The following IL12RB2 variants were observed in gnomAD, a reference collection of about 807,000 sequenced individuals.
IL12RB2 encodes the protein interleukin 12 receptor subunit beta 2, also known as interleukin-12 receptor subunit beta-2.
In IL12RB2, 82 loss-of-function variants were observed where a neutral mutation model predicts 89.4. That is an observed-to-expected ratio of 0.92 (90% CI 0.77 to 1.10). IL12RB2 has a LOEUF of 1.10. Among genes scored for constraint, IL12RB2 ranks in the 50% least tolerant of loss-of-function variants. The probability of loss-of-function intolerance (pLI) is 0.00; values close to 1 mark genes in which losing one functional copy is unlikely to be tolerated. For synonymous variants in IL12RB2, 368 were observed against 370.1 expected, an observed-to-expected ratio of 0.99 and a Z score of 0.07; for missense variants, 963 against 1,031.9, an observed-to-expected ratio of 0.93 and a Z score of 0.92.
rs371586553 is a variant in IL12RB2, at chr1:67,350,985, C to T, written c.1154C>T (p.Thr385Ile). The change falls in exon 10 of 17, where the codon ACA becomes ATA. Residue 385 changes from threonine (T) to isoleucine (I), a missense_variant. Transcript: ENST00000674203. Reference sequence around the variant, plus strand: ...ATCACAGGACACACCTCCTGGACCACAGTCATTCCTAGAACCGGAAATTGG... The same window carrying T: ...ATCACAGGACACACCTCCTGGACCATAGTCATTCCTAGAACCGGAAATTGG... ...QNITGHTSWT[T>I]VIPRTGNWAV... 2 of 1,614,004 alleles carry T rather than the reference C, an allele frequency of 1.2e-6. No homozygotes were observed. Among genetic ancestry groups the T allele is most frequent in the African/African-American group, 1.3e-5 (1 of 74,926 alleles).
chr1:67,379,784 G>A (rs944469602), intron 13 of IL12RB2: 1 of 528,684 alleles, frequency 1.9e-6, no homozygotes, highest in Non-Finnish European at 3.3e-6. Flanking sequence ...TGTTTAATAT[G>A]CTGTGGAGTG....
At position 67,382,845 on chromosome 1, in the gene IL12RB2, A is replaced by C. The variant is rs1432165282; in HGVS notation, c.1855+2722A>C. 5.9e-5 allele frequency among the ~76,000 whole-genome samples: 9 copies of C among 152,156 alleles called. No individual in the cohort carries two copies. The South Asian group carries it at 6.2e-4, about 11-fold the overall frequency. ...CTCAGCCTCACAAGTAGTTGAGACT[A>C]TAGGCTCCTGCCACCATGCCCAGCT... On this transcript the variant is annotated intron_variant, in intron 14 of 16. Coordinates refer to ENST00000674203, the MANE Select transcript of IL12RB2 (RefSeq NM_001374259.2).
chr1:67,361,727 A>G (rs1168010949), intron 10 of IL12RB2, among the ~76,000 whole-genome samples: 1 of 152,172 alleles, frequency 6.6e-6, no homozygotes, highest in Non-Finnish European at 1.5e-5. Context: ...AGAAAGGAAT[A>G]AAAGAAATAT....
intron 11 of IL12RB2, 41 bp from the exon 12 acceptor site, chr1:67,372,395 G>A: frequency 9.4e-7 from 1 of 1,060,900 alleles, no homozygotes; most frequent in Non-Finnish European, 1.5e-6. Flanking sequence ...TGACTCACCA[G>A]TAATGGCACG....
At chr1:67,360,791 G>A (rs372268852) in intron 10 of IL12RB2, among the ~76,000 whole-genome samples, 11 of 143,132 alleles carry the variant, frequency 7.7e-5, no homozygotes, top group Non-Finnish European at 1.2e-4. Flanking sequence ...GGAAAACTCC[G>A]TCTCAAAAAA....
At position 67,347,334 on chromosome 1, in the gene IL12RB2, G is replaced by A. The variant is rs1457186019; in HGVS notation, c.1039-3536G>A. 2.6e-5 allele frequency among the ~76,000 whole-genome samples: 4 copies of A among 151,062 alleles called. No individual in the cohort carries two copies. In the East Asian group the frequency reaches 7.9e-4, roughly 30 times the overall value. Reference sequence around the variant, plus strand: ...TTTTTCTTTATTATTTGCATCAGGGGAAGTTCAGAAGTAGAGCATTACTTT... The same window carrying A: ...TTTTTCTTTATTATTTGCATCAGGGAAAGTTCAGAAGTAGAGCATTACTTT... On this transcript the variant is annotated intron_variant, in intron 9 of 16. Coordinates refer to ENST00000674203, the MANE Select transcript of IL12RB2 (RefSeq NM_001374259.2).
chr1:67,338,694 T>C lies in IL12RB2; in HGVS notation c.1029T>C (p.Leu343=). 6.7e-7 allele frequency: 1 copy of C among 1,501,250 alleles called. No homozygotes were observed. Among genetic ancestry groups the C allele is most frequent in the Non-Finnish European group, 9.3e-7 (1 of 1,076,942 alleles). The allele number at this position is 1,501,250 out of a possible 1,614,324, so 93.0% of individuals were successfully genotyped here. The part of the protein sequence containing the change: ...HIDYSRQQIS[L]FWKNLSVSEA... ...ACTACAGTAGACAACAGATTTCTCT[T>C]TTCTGGAAGGTGAGTTTTAAGCGTC... The change falls in exon 9 of 17, where the codon CTT becomes CTC. Residue 343 remains leucine, a synonymous_variant. Coordinates refer to ENST00000674203, the MANE Select transcript of IL12RB2 (RefSeq NM_001374259.2).
intron 16 of IL12RB2, among the ~76,000 whole-genome samples, chr1:67,391,863 T>C (rs1291415524): frequency 6.6e-6 from 1 of 152,074 alleles, no homozygotes; most frequent in African/African-American, 2.4e-5. Context: ...CAGGATGGTC[T>C]CAATCTCCTG....
chr1:67,324,223 C>A (rs566357349), intron 4 of IL12RB2, among the ~76,000 whole-genome samples: 1 of 151,970 alleles, frequency 6.6e-6, no homozygotes, highest in Non-Finnish European at 1.5e-5. Flanking sequence ...AAGAGACTTT[C>A]GTTTGTTTGT....
intron 15 of IL12RB2, among the ~76,000 whole-genome samples, chr1:67,386,962 C>T (rs1165961656): frequency 6.8e-5 from 9 of 132,166 alleles, no homozygotes; most frequent in African/African-American, 1.9e-4. Flanking sequence ...GAGTTTCACT[C>T]TTGTCGCCCA....
At chr1:67,359,760 G>A (rs889085842) in intron 10 of IL12RB2, among the ~76,000 whole-genome samples, 2 of 151,962 alleles carry the variant, frequency 1.3e-5, no homozygotes, top group Non-Finnish European at 1.5e-5. Context: ...TCAGTTTCCA[G>A]TCTAGCATCT....
chr1:67,385,789 T>C (rs1386094094), intron 14 of IL12RB2, among the ~76,000 whole-genome samples: 1 of 152,230 alleles, frequency 6.6e-6, no homozygotes, highest in Non-Finnish European at 1.5e-5. Flanking sequence ...TTTGCTAAAA[T>C]TAATAGCTAC....
chr1:67,370,290 C>T (rs975404163), intron 11 of IL12RB2, among the ~76,000 whole-genome samples: 13 of 152,228 alleles, frequency 8.5e-5, no homozygotes, highest in Non-Finnish European at 1.8e-4. Flanking sequence ...GGCCAGAATA[C>T]AGCCCGGCTC....
chr1:67,380,247 C>A, intron 14 of IL12RB2, 124 bp downstream of exon 14: 1 of 945,302 alleles, frequency 1.1e-6, no homozygotes, highest in Non-Finnish European at 1.7e-6. Context: ...CTTGCTGTCA[C>A]TTTACACTTG....
At chr1:67,386,168 C>T (rs1665114855) in intron 14 of IL12RB2, among the ~76,000 whole-genome samples, 1 of 119,398 alleles carries the variant, frequency 8.4e-6, no homozygotes. Flanking sequence ...GAGATTGCGC[C>T]ATTGCACTCC....
intron 10 of IL12RB2, among the ~76,000 whole-genome samples, chr1:67,359,590 C>T (rs1163486611): frequency 6.6e-6 from 1 of 152,020 alleles, no homozygotes; most frequent in Non-Finnish European, 1.5e-5. Flanking sequence ...GGAGTCGTGG[C>T]ATATGCCCTT....
chr1:67,386,326 T>C (rs1665140850), intron 14 of IL12RB2, among the ~76,000 whole-genome samples: 1 of 151,932 alleles, frequency 6.6e-6, no homozygotes, highest in Non-Finnish European at 1.5e-5. Flanking sequence ...TACTTTGCAT[T>C]CCGTACCTCC....
At chr1:67,383,886 C>T (rs1467610218) in intron 14 of IL12RB2, among the ~76,000 whole-genome samples, 2 of 152,266 alleles carry the variant, frequency 1.3e-5, no homozygotes, top group Admixed American at 1.3e-4. Context: ...CACATTAGGT[C>T]ATGCTGATGC....
chr1:67,367,361 C>T (rs192377218), intron 10 of IL12RB2, among the ~76,000 whole-genome samples: 1 of 150,274 alleles, frequency 6.7e-6, no homozygotes, highest in Admixed American at 6.6e-5. Context: ...TGCCACTGCA[C>T]TCCAGCCTGG....
Sources: allele counts gnomAD v4.1 joint callset (sites outside exome capture counted in the v4.1 genomes callset), GRCh38; gene constraint gnomAD v4.1.1; transcripts MANE v1.5; gene names NCBI Gene and HGNC (gene_info 2026-07-23, HGNC 2026-07-21).